HHAT: variants seen among roughly 807,000 people sequenced by gnomAD.
The protein encoded by HHAT is protein-cysteine N-palmitoyltransferase HHAT.
Under a neutral mutation model 70.8 loss-of-function variants are expected in HHAT, and 47 were observed. The ratio of observed to expected loss-of-function variants is 0.66; its 90% confidence interval spans 0.53 to 0.85. The LOEUF is 0.85. Among genes scored for constraint, HHAT ranks in the 40% least tolerant of loss-of-function variants. The pLI, the probability that HHAT is intolerant of heterozygous loss-of-function variation, is 0.00. For missense variants in HHAT, 609 were observed against 604.8 expected (o/e 1.01, Z -0.07); for synonymous variants, 228 against 247.6 (o/e 0.92, Z 0.74).
chr1:210,381,764 C>CA (rs1047860187), intron 3 of HHAT, among the ~76,000 whole-genome samples: 3 of 151,984 alleles, frequency 2.0e-5, no homozygotes, highest in East Asian at 3.9e-4. Flanking sequence ...GGACTGATTA[C>CA]AAAAAAAATC....
intron 6 of HHAT, among the ~76,000 whole-genome samples, chr1:210,408,361 T>G (rs1453100909): frequency 1.3e-5 from 2 of 152,072 alleles, no homozygotes; most frequent in Admixed American, 6.5e-5. Flanking sequence ...TTTTGTATTT[T>G]TAGTAGAGAT....
intron 4 of HHAT, among the ~76,000 whole-genome samples, chr1:210,398,954 G>A (rs2091931776): frequency 6.6e-6 from 1 of 152,128 alleles, no homozygotes; most frequent in Non-Finnish European, 1.5e-5. Flanking sequence ...TATTTAAAAT[G>A]TTCTCTTGAG....
At chr1:210,338,319 AAC>A (rs1391621370) in intron 1 of HHAT, among the ~76,000 whole-genome samples, 3 of 152,152 alleles carry the variant, frequency 2.0e-5, no homozygotes, top group Non-Finnish European at 2.9e-5. Context: ...CAGCCTGAAC[AAC>A]AGAGAGTGAG....
chr1:210,512,995 A>T (rs1352945568), intron 8 of HHAT, among the ~76,000 whole-genome samples, 158 bp from the exon 9 acceptor site: 1 of 152,222 alleles, frequency 6.6e-6, no homozygotes, highest in Non-Finnish European at 1.5e-5. Flanking sequence ...ACAAGTTCCC[A>T]GGAATGCTGC....
chr1:210,377,295 TTTATC>T (rs2090304476), intron 3 of HHAT, among the ~76,000 whole-genome samples: 1 of 152,110 alleles, frequency 6.6e-6, no homozygotes, highest in African/African-American at 2.4e-5. Context: ...CTCCAATTTG[TTTATC>T]ACCTTTTTTC....
At chr1:210,433,909 C>T (rs1399529428) in intron 7 of HHAT, among the ~76,000 whole-genome samples, 3 of 151,960 alleles carry the variant, frequency 2.0e-5, no homozygotes, top group Non-Finnish European at 2.9e-5. Flanking sequence ...TCCACACCAG[C>T]GTTGTACCAG....
chr1:210,654,368 C>A (rs961755683), intron 11 of HHAT, among the ~76,000 whole-genome samples: 4 of 152,158 alleles, frequency 2.6e-5, no homozygotes, highest in African/African-American at 7.2e-5. Context: ...ACCATGAATG[C>A]CTGGGTCCCT....
chr1:210,404,397 C>G, intron 5 of HHAT, 67 bp from the exon 6 acceptor site: 12 of 1,268,812 alleles, frequency 9.5e-6, no homozygotes, highest in South Asian at 1.3e-5. Flanking sequence ...TGGCCAGCAC[C>G]TGCAGTGGGA....
intron 9 of HHAT, among the ~76,000 whole-genome samples, chr1:210,555,019 G>A (rs184795513): frequency 6.2e-4 from 95 of 152,258 alleles, no homozygotes; most frequent in African/African-American, 2.2e-3. Context: ...TGGGCCTCCC[G>A]TGATAGAGGC....
At chr1:210,378,500 AAT>A (rs142223062) in intron 3 of HHAT, among the ~76,000 whole-genome samples, 265 of 152,358 alleles carry the variant, frequency 1.7e-3, no homozygotes, top group African/African-American at 6.0e-3. Context: ...AATAATGAAA[AAT>A]ATAAACTGGT....
chr1:210,386,661 G>A (rs1403327903), intron 3 of HHAT, among the ~76,000 whole-genome samples: 5 of 152,154 alleles, frequency 3.3e-5, no homozygotes, highest in Non-Finnish European at 5.9e-5. Flanking sequence ...CAGGGTGACC[G>A]ATGACAGTGT....
At chr1:210,581,138 CTG>C (rs1659181337) in intron 9 of HHAT, among the ~76,000 whole-genome samples, 1 of 152,176 alleles carries the variant, frequency 6.6e-6, no homozygotes, top group African/African-American at 2.4e-5. Flanking sequence ...TGAGAAGTGT[CTG>C]TTCATATCCT....
chr1:210,516,136 C>T (rs562516273), intron 9 of HHAT, among the ~76,000 whole-genome samples: 1 of 152,122 alleles, frequency 6.6e-6, no homozygotes, highest in Admixed American at 6.5e-5. Context: ...CCTGATGGGA[C>T]CCAGCACCAT....
intron 7 of HHAT, among the ~76,000 whole-genome samples, chr1:210,421,912 ATGT>A (rs1293863822): frequency 6.6e-6 from 1 of 152,020 alleles, no homozygotes; most frequent in Non-Finnish European, 1.5e-5. Flanking sequence ...TAATGTTTTT[ATGT>A]TGTTTTTTTG....
intron 11 of HHAT, among the ~76,000 whole-genome samples, chr1:210,648,060 G>A (rs1451351319): frequency 6.6e-6 from 1 of 152,110 alleles, no homozygotes; most frequent in African/African-American, 2.4e-5. Context: ...AACAGACCTG[G>A]CCCTTTCCTG....
chr1:210,622,997 T>C (rs1669149081), intron 10 of HHAT, among the ~76,000 whole-genome samples: 1 of 152,202 alleles, frequency 6.6e-6, no homozygotes, highest in Non-Finnish European at 1.5e-5. Flanking sequence ...CCCTCGCATT[T>C]TGTTCCACCT....
chr1:210,585,641 A>G (rs1298437891), intron 9 of HHAT, among the ~76,000 whole-genome samples: 2 of 151,894 alleles, frequency 1.3e-5, no homozygotes, highest in African/African-American at 4.8e-5. Context: ...CTGGTCTCGA[A>G]CTCCTGACCT....
intron 5 of HHAT, among the ~76,000 whole-genome samples, chr1:210,402,830 C>T (rs2092143955): frequency 6.6e-6 from 1 of 152,160 alleles, no homozygotes; most frequent in South Asian, 2.1e-4. Flanking sequence ...CAGGTGACAA[C>T]ACTTAGCATT....
In HHAT at chr1:210,460,099, T is replaced by G. The variant is rs1210615107; in HGVS notation, c.857-4406T>G. On this transcript the variant is annotated intron_variant, in intron 7 of 11. Transcript: ENST00000261458. ...TATATGACAACTGGGTTCTAAGAGA[T>G]AGTGTTCAAAGATTGAGCATTCCAA... is the stretch of plus-strand genomic sequence containing the variant. Among the ~76,000 whole-genome samples, 4 of 152,146 alleles carry G rather than the reference T, an allele frequency of 2.6e-5. No individual in the cohort carries two copies. In the East Asian group the frequency reaches 7.7e-4, roughly 29 times the overall value.
Sources: gnomAD v4.1 joint callset for allele counts (sites outside exome capture counted in the v4.1 genomes callset) on GRCh38, gnomAD v4.1.1 for gene constraint, MANE v1.5 for transcripts, NCBI Gene and HGNC (gene_info 2026-07-23, HGNC 2026-07-21) for gene names.